TMEM270: variants seen among roughly 807,000 people sequenced by gnomAD.
TMEM270 encodes the protein Williams-Beuren syndrome chromosome region 28.
Under a neutral mutation model 29.9 loss-of-function variants are expected in TMEM270, and 30 were observed. The ratio of observed to expected loss-of-function variants is 1.00; its 90% CI spans 0.75 to 1.36. TMEM270 has a LOEUF of 1.36. Among genes scored for constraint, TMEM270 ranks in the 40% most tolerant of loss-of-function variants. The pLI is 0.00. For missense variants in TMEM270, 313 were observed against 307.1 expected (o/e 1.02, Z -0.14); for synonymous variants, 135 against 139.8 (o/e 0.97, Z 0.24).
intron 1 of TMEM270, among the ~76,000 whole-genome samples, chr7:73,864,639 A>G (rs958269566): frequency 1.3e-4 from 20 of 151,230 alleles, no homozygotes; most frequent in Non-Finnish European, 7.4e-5. Context: ...GCAGTGGCTC[A>G]CGCCTGTAAT....
chr7:73,865,623 G>A lies in TMEM270; in HGVS notation c.548G>A (p.Arg183Lys), dbSNP rs370671528. Reference protein sequence around the residue: ...CVVRKLLVQLRRLYWWVETMT... With the variant: ...CVVRKLLVQLKRLYWWVETMT... ...GTAAGGAAGCTCCTGGTACAGCTGAGACGTCTGTATTGGTGGGTGGAGACT... is the reference window on the plus strand; with the variant it reads ...GTAAGGAAGCTCCTGGTACAGCTGAAACGTCTGTATTGGTGGGTGGAGACT... The change falls in exon 3 of 3, where the codon AGA becomes AAA. Residue 183 changes from arginine to lysine, a missense_variant. Physicochemically the swap from Arg to Lys is conservative, Grantham distance 26. Transcript: ENST00000320531. 41 of 1,614,068 alleles carry A rather than the reference G, an allele frequency of 2.5e-5. No individual in the cohort carries two copies. Among genetic ancestry groups the A allele is most frequent in the African/African-American group, 4.0e-5 (3 of 74,938 alleles).
Position 73,863,429 on chromosome 7 carries a change from A to C in TMEM270, c.73-1564A>C, listed in dbSNP as rs553834142. 1.1e-4 allele frequency among the ~76,000 whole-genome samples: 16 copies of C among 147,236 alleles called. No homozygotes were observed. The East Asian group carries it at 2.2e-3, about 20-fold the overall frequency. On this transcript the variant is annotated intron_variant, in intron 1 of 2. Transcript: ENST00000320531. ...TTTTGAGATGGAGTCTCACTCTGTT[A>C]CCCAGGCTGGAGTGCAGTGGCACGA... is the stretch of plus-strand genomic sequence containing the variant.
At chr7:73,864,588 C>G (rs1014521149) in intron 1 of TMEM270, among the ~76,000 whole-genome samples, 4 of 152,058 alleles carry the variant, frequency 2.6e-5, no homozygotes, top group Admixed American at 2.0e-4. Context: ...GGTGGTCCAG[C>G]AGCTTCACCT....
In TMEM270 at chr7:73,864,985, T is replaced by C. The variant is rs1788868311; in HGVS notation, c.73-8T>C. The stretch of plus-strand genomic sequence containing the variant: ...GGCTGACGGTTGTCTCTCTCTCTTC[T>C]TCTGCAGTTGGTTCAGAACCGAGAT... On this transcript the variant is annotated splice_polypyrimidine_tract_variant and splice_region_variant and intron_variant, in intron 1 of 2. Coordinates refer to ENST00000320531, the MANE Select transcript of TMEM270 (RefSeq NM_182504.4). The C allele has an allele frequency of 3.4e-6, 5 of 1,476,992 alleles. No individual in the cohort carries two copies. Among genetic ancestry groups the C allele is most frequent in the Non-Finnish European group, 4.5e-6 (5 of 1,111,210 alleles). The allele number at this position is 1,476,992 out of a possible 1,614,324, so 91.5% of individuals were successfully genotyped here. A position where few individuals can be genotyped will look rare whatever the true frequency, so the allele number is the denominator to read the frequency against.
upstream of TMEM270, chr7:73,861,051 A>T: frequency 2.6e-6 from 2 of 759,556 alleles, no homozygotes; most frequent in Non-Finnish European, 4.6e-6. Flanking sequence ...GAGGTTTCAG[A>T]GGAAGCAGTG....
chr7:73,861,381 C>G (rs1554639226), intron 1 of TMEM270, 115 bp downstream of exon 1: 2 of 932,664 alleles, frequency 2.1e-6, no homozygotes, highest in African/African-American at 1.6e-5. Context: ...AACGAGGTGG[C>G]TGCCTGCCTT....
intron 1 of TMEM270, 178 bp downstream of exon 1, chr7:73,861,444 ATTTTCT>A: frequency 9.2e-6 from 6 of 654,902 alleles, no homozygotes; most frequent in Non-Finnish European, 1.6e-5. Context: ...CAGTGCTGAC[ATTTTCT>A]TTTCTTTTCT....
In TMEM270 at chr7:73,861,503, G is replaced by A. The variant is rs1050173274; in HGVS notation, c.72+237G>A. Reference sequence around the variant, plus strand: ...CTCGCTCTGTCGCCCAGCCTGGAGCGCAGTGGTGCCGGCTCAGCTCGTTGC... The same window carrying A: ...CTCGCTCTGTCGCCCAGCCTGGAGCACAGTGGTGCCGGCTCAGCTCGTTGC... On this transcript the variant is annotated intron_variant, in intron 1 of 2. Transcript: ENST00000320531. 5.3e-5 allele frequency: 34 copies of A among 638,666 alleles called. 1 individual carries two copies. Among genetic ancestry groups the A allele is most frequent in the Middle Eastern group, 7.9e-4 (2 of 2,534 alleles). 39.6% of individuals were successfully genotyped at this position (638,666 alleles called of 1,614,324 possible). A position where few individuals can be genotyped will look rare whatever the true frequency, so the allele number is the denominator to read the frequency against.
chr7:73,863,824 C>G (rs1187367727), intron 1 of TMEM270, among the ~76,000 whole-genome samples: 1 of 152,172 alleles, frequency 6.6e-6, no homozygotes, highest in African/African-American at 2.4e-5. Flanking sequence ...CAGCAGCCCT[C>G]CTGATGCCAG....
At chr7:73,861,083 G>T, upstream of TMEM270, 1 of 1,008,626 alleles carries the variant, frequency 9.9e-7, no homozygotes, top group Non-Finnish European at 1.6e-6. Flanking sequence ...GCCAGGTAAA[G>T]GCAGTGGGTC....
Position 73,865,330 on chromosome 7 carries a change from G to T in TMEM270, c.410G>T (p.Gly137Val), listed in dbSNP as rs372289687. The change falls in exon 2 of 3, where the codon GGC becomes GTC. Residue 137 changes from glycine to valine, a missense_variant. Gly to Val is a moderately radical substitution (Grantham distance 109, BLOSUM62 -3). Coordinates refer to ENST00000320531, the MANE Select transcript of TMEM270 (RefSeq NM_182504.4). ...GATCTGTTTTTGTCATGTCTGCACG[G>T]CCTGATGTTGGTGGCCTTGCTCTTG... ...WTDLFLSCLHGLMLVALLLVV... is the reference protein window; with the variant it reads ...WTDLFLSCLHVLMLVALLLVV... 5.7e-5 allele frequency: 92 copies of T among 1,613,406 alleles called. No homozygotes were observed. The African/African-American group carries it at 1.1e-3, about 19-fold the overall frequency.
chr7:73,865,558 A>ATCTG lies in TMEM270; in HGVS notation c.502-15_502-12dup. The ATCTG allele has an allele frequency of 1.9e-6, 3 of 1,610,012 alleles. 1 individual carries two copies. The highest frequency in any genetic ancestry group is 2.5e-6 in the Non-Finnish European group (3 of 1,177,304). ...ATGAGCTCCTAAGGGCCACCTGCCC[A>ATCTG]TCTGTCTCCCTGTTCCAGGCCTTGC... On this transcript the variant is annotated intron_variant, in intron 2 of 2. Coordinates refer to ENST00000320531, the MANE Select transcript of TMEM270 (RefSeq NM_182504.4).
intron 1 of TMEM270, 80 bp downstream of exon 1, chr7:73,861,346 A>C (rs1404166876): frequency 7.2e-7 from 1 of 1,379,912 alleles, no homozygotes; most frequent in African/African-American, 1.4e-5. Flanking sequence ...TGCCGGGCCC[A>C]AGCCCTGCCT....
At chr7:73,862,088 C>G (rs781823799) in intron 1 of TMEM270, among the ~76,000 whole-genome samples, 5 of 151,164 alleles carry the variant, frequency 3.3e-5, no homozygotes, top group Non-Finnish European at 7.4e-5. Context: ...TAAGCCACTG[C>G]GCCTGGCTCA....
At position 73,865,816 on chromosome 7, in the gene TMEM270, G is replaced by C. The variant is rs368322608; in HGVS notation, c.741G>C (p.Ala247=). Residue 247 remains alanine (A), a synonymous_variant, in exon 3 of 3, where the codon GCG becomes GCC. Transcript: ENST00000320531. ...CTTCCTTGCTGCCCTCACTGTCTGC[G>C]TCCTCGGACTCAGAGTCTGGAACAG... is the stretch of plus-strand genomic sequence containing the variant. ...SGSSLLPSLS[A]SSDSESGTVL... 6.2e-7 allele frequency: 1 copy of C among 1,613,560 alleles called. No individual in the cohort carries two copies.
intron 1 of TMEM270, among the ~76,000 whole-genome samples, chr7:73,862,386 G>A (rs1309778130): frequency 6.6e-6 from 1 of 151,782 alleles, no homozygotes; most frequent in African/African-American, 2.4e-5. Flanking sequence ...GATTACAGGT[G>A]TGAGCCACCG....
At position 73,861,232 on chromosome 7, in the gene TMEM270, G is replaced by A. The variant is rs546884435; in HGVS notation, c.38G>A (p.Gly13Glu). 2 of 1,613,598 alleles carry A rather than the reference G, an allele frequency of 1.2e-6. No individual in the cohort carries two copies. The highest frequency in any genetic ancestry group is 2.7e-5 in the African/African-American group (2 of 75,054). Residue 13 changes from glycine to glutamate, a missense_variant, in exon 1 of 3, where the codon GGG becomes GAG. Transcript: ENST00000320531. ...CCTCCAGTCAGATCCAGCCTTTTGG[G>A]GATCCTGTTGCAGGTTACGAGGCTC... ...ALPPVRSSLL[G>E]ILLQVTRLSV...
intron 1 of TMEM270, 188 bp downstream of exon 1, chr7:73,861,454 C>G: frequency 1.5e-6 from 1 of 657,154 alleles, no homozygotes; most frequent in Non-Finnish European, 2.7e-6. Flanking sequence ...ATTTTCTTTT[C>G]TTTTCTTTAT....
chr7:73,861,259 C>T lies in TMEM270; in HGVS notation c.65C>T (p.Ser22Leu). Residue 22 changes from serine to leucine, a missense_variant, in exon 1 of 3, where the codon TCA (serine) becomes TTA (leucine). Transcript: ENST00000320531. ...LGILLQVTRLSVLLVQNRDHL... is the reference protein window; with the variant it reads ...LGILLQVTRLLVLLVQNRDHL... ...ATCCTGTTGCAGGTTACGAGGCTCT[C>T]AGTGCTGGTGAGTGGGGGCTGGGGG... 1 of 1,611,684 alleles carries T rather than the reference C, an allele frequency of 6.2e-7. No homozygotes were observed.
Sources: allele counts gnomAD v4.1 joint callset (sites outside exome capture counted in the v4.1 genomes callset), GRCh38; gene constraint gnomAD v4.1.1; transcripts MANE v1.5; gene names NCBI Gene and HGNC (gene_info 2026-07-23, HGNC 2026-07-21).